Variants in TGFBR1 observed in about 807,000 individuals in gnomAD.
TGFBR1 encodes the protein TGF-beta receptor type-1.
TGFBR1 carries 20 observed loss-of-function variants against 55.1 expected under a neutral mutation model. That is an observed-to-expected ratio of 0.36 (90% CI 0.26 to 0.53). The LOEUF (loss-of-function observed/expected upper bound fraction) is 0.53. TGFBR1 is among the 20% of genes least tolerant of loss of function. TGFBR1 has a pLI of 0.91. For missense variants in TGFBR1, 385 were observed against 617.6 expected (o/e 0.62, Z 3.99); for synonymous variants, 220 against 214.8 (o/e 1.02, Z -0.21).
rs1279476231 is a variant in TGFBR1 at position 99,149,451 on chromosome 9, T to C, written c.*146T>C. 3.4e-6 allele frequency: 4 copies of C among 1,172,730 alleles called. No individual in the cohort carries two copies. The East Asian group carries it at 1.0e-4, about 30-fold the overall frequency. 72.6% of individuals were successfully genotyped at this position (1,172,730 alleles called of 1,614,324 possible). A position where few individuals can be genotyped will look rare whatever the true frequency, so the allele number is the denominator to read the frequency against. On this transcript the variant is annotated 3_prime_UTR_variant, in exon 9 of 9. Coordinates refer to ENST00000374994, the MANE Select transcript of TGFBR1 (RefSeq NM_004612.4). ...AGTGTAATAAAGTCAATTAAAAACTTCCCAGGATTTCTTTGGACCCAGGAA... is the reference window on the plus strand; with the variant it reads ...AGTGTAATAAAGTCAATTAAAAACTCCCCAGGATTTCTTTGGACCCAGGAA...
At chr9:99,109,916 A>G (rs1826516214) in intron 1 of TGFBR1, among the ~76,000 whole-genome samples, 1 of 152,230 alleles carries the variant, frequency 6.6e-6, no homozygotes, top group African/African-American at 2.4e-5. Flanking sequence ...CCTAACTCCA[A>G]TACTTAGGAT....
chr9:99,105,670 C>T (rs1421115228), intron 1 of TGFBR1, among the ~76,000 whole-genome samples: 1 of 152,064 alleles, frequency 6.6e-6, no homozygotes, highest in Non-Finnish European at 1.5e-5. Context: ...CGGGGACTGG[C>T]AGAGCCGTGG....
chr9:99,139,762 A>G (rs945416898), intron 4 of TGFBR1, among the ~76,000 whole-genome samples: 1 of 152,228 alleles, frequency 6.6e-6, no homozygotes, highest in Non-Finnish European at 1.5e-5. Context: ...TTATGATTCT[A>G]AGTCCACAAG....
intron 1 of TGFBR1, among the ~76,000 whole-genome samples, chr9:99,122,250 C>T (rs543475934): frequency 6.6e-6 from 1 of 151,966 alleles, no homozygotes; most frequent in Non-Finnish European, 1.5e-5. Context: ...GATGATGACA[C>T]ACTAAGCCTG....
At chr9:99,135,712 A>T (rs187203948) in intron 3 of TGFBR1, among the ~76,000 whole-genome samples, 1 of 152,080 alleles carries the variant, frequency 6.6e-6, no homozygotes, top group Non-Finnish European at 1.5e-5. Flanking sequence ...TTTCCTGTTC[A>T]CTGCATGTAA....
intron 3 of TGFBR1, among the ~76,000 whole-genome samples, chr9:99,133,158 G>A (rs565345014): frequency 3.3e-5 from 5 of 152,274 alleles, no homozygotes; most frequent in African/African-American, 1.2e-4. Flanking sequence ...TTTGAAAACA[G>A]GCATGACAGA....
At chr9:99,146,649 A>G (rs774157582) in intron 7 of TGFBR1, 40 bp downstream of exon 7, 2 of 1,613,534 alleles carry the variant, frequency 1.2e-6, no homozygotes, top group Admixed American at 3.3e-5. Context: ...TGTCATGAGC[A>G]GAAGTTGTTC....
chr9:99,117,609 T>G (rs1439568488), intron 1 of TGFBR1, among the ~76,000 whole-genome samples: 1 of 152,180 alleles, frequency 6.6e-6, no homozygotes. Context: ...TGGTAAAACC[T>G]TTTTTCCCCC....
chr9:99,138,583 C>G (rs1827511269), intron 4 of TGFBR1, among the ~76,000 whole-genome samples: 1 of 152,116 alleles, frequency 6.6e-6, no homozygotes, highest in African/African-American at 2.4e-5. Context: ...CTGGCAAACT[C>G]AAAGAGATAA....
At chr9:99,127,723 T>C (rs1400718493) in intron 1 of TGFBR1, 1 of 357,054 alleles carries the variant, frequency 2.8e-6, no homozygotes, top group Non-Finnish European at 5.5e-6. Context: ...GTTCACGTCA[T>C]AGATGGCCAT....
intron 3 of TGFBR1, among the ~76,000 whole-genome samples, chr9:99,133,202 T>C (rs1342589332): frequency 1.3e-5 from 2 of 152,256 alleles, no homozygotes; most frequent in Admixed American, 6.5e-5. Context: ...TATTTACTTT[T>C]TAAACATTAT....
intron 1 of TGFBR1, among the ~76,000 whole-genome samples, chr9:99,121,379 G>C (rs1184840302): frequency 1.3e-5 from 2 of 152,124 alleles, no homozygotes; most frequent in South Asian, 4.1e-4. Context: ...CATGTATACA[G>C]AGATAAGCAA....
chr9:99,133,442 G>A (rs1827312532), intron 3 of TGFBR1, among the ~76,000 whole-genome samples: 6 of 152,160 alleles, frequency 3.9e-5, no homozygotes, highest in Admixed American at 3.3e-4. Flanking sequence ...AGTGCTTCAT[G>A]TTTAAACTGA....
intron 1 of TGFBR1, among the ~76,000 whole-genome samples, chr9:99,118,034 A>AT (rs965228543): frequency 2.0e-5 from 3 of 152,152 alleles, no homozygotes; most frequent in Non-Finnish European, 4.4e-5. Context: ...AATAAGTAAT[A>AT]TTTTTTAAGC....
intron 8 of TGFBR1, 151 bp downstream of exon 8, chr9:99,147,935 T>G: frequency 4.2e-6 from 4 of 955,108 alleles, no homozygotes; most frequent in Non-Finnish European, 6.3e-6. Context: ...ATAATTTGGT[T>G]TTCATATTCA....
At chr9:99,121,023 A>G (rs1826882262) in intron 1 of TGFBR1, among the ~76,000 whole-genome samples, 1 of 152,234 alleles carries the variant, frequency 6.6e-6, no homozygotes, top group South Asian at 2.1e-4. Context: ...ATAATGTGGA[A>G]AAACAAGAGC....
In TGFBR1 at chr9:99,132,578, G is replaced by T; in HGVS notation, c.413G>T (p.Cys138Phe). ...ATTGCTGGACCAGTGTGCTTCGTCTGCATCTCACTCATGTTGATGGTCTAT... is the reference window on the plus strand; with the variant it reads ...ATTGCTGGACCAGTGTGCTTCGTCTTCATCTCACTCATGTTGATGGTCTAT... The part of the protein sequence containing the change: ...AVIAGPVCFV[C>F]ISLMLMVYIC... The change falls in exon 3 of 9, where the codon TGC (cysteine) becomes TTC (phenylalanine). Residue 138 changes from cysteine (C) to phenylalanine (F), a missense_variant. This residue lies in a region of TGFBR1 where 146 missense variants were observed against 167.7 expected (regional missense o/e 0.87). Coordinates refer to ENST00000374994, the MANE Select transcript of TGFBR1 (RefSeq NM_004612.4). The T allele has an allele frequency of 6.2e-7, 1 of 1,614,152 alleles. No individual in the cohort carries two copies. Among genetic ancestry groups the T allele is most frequent in the Non-Finnish European group, 8.5e-7 (1 of 1,180,024 alleles).
chr9:99,149,143 T>A (rs754316662), intron 8 of TGFBR1, 37 bp from the exon 9 acceptor site: 4 of 1,553,696 alleles, frequency 2.6e-6, no homozygotes, highest in South Asian at 1.2e-5. Context: ...TGGAAAATGG[T>A]GCATGCATTA....
chr9:99,123,939 A>G (rs1393146151), intron 1 of TGFBR1, among the ~76,000 whole-genome samples: 1 of 152,198 alleles, frequency 6.6e-6, no homozygotes, highest in African/African-American at 2.4e-5. Context: ...TGATTAGCTC[A>G]GATGATGAAA....
Sources: allele counts gnomAD v4.1 joint callset (sites outside exome capture counted in the v4.1 genomes callset), GRCh38; gene constraint gnomAD v4.1.1; regional missense constraint gnomAD v4.1.1; transcripts MANE v1.5; gene names NCBI Gene and HGNC (gene_info 2026-07-23, HGNC 2026-07-21).